Variants in JUP observed in about 807,000 individuals in gnomAD.
JUP encodes the protein junction plakoglobin.
JUP carries 28 observed loss-of-function variants against 71.1 expected under a neutral mutation model. The ratio of observed to expected loss-of-function variants is 0.39; its 90% CI spans 0.29 to 0.54. The LOEUF (loss-of-function observed/expected upper bound fraction) is 0.54. Among genes scored for constraint, JUP ranks in the 20% least tolerant of loss-of-function variants. JUP has a pLI of 0.62. For synonymous variants in JUP, 401 were observed against 438.9 expected (o/e 0.91, Z 1.08); for missense variants, 869 against 1,030.1 (o/e 0.84, Z 2.14).
intron 1 of JUP, among the ~76,000 whole-genome samples, chr17:41,774,396 T>G (rs375086362): frequency 6.6e-6 from 1 of 152,144 alleles, no homozygotes; most frequent in Non-Finnish European, 1.5e-5. Flanking sequence ...TGCAGTGGCA[T>G]GATCTTGGCT....
At chr17:41,756,137 G>C (rs1555597676) in intron 13 of JUP, 38 bp downstream of exon 13, 1 of 1,604,614 alleles carries the variant, frequency 6.2e-7, no homozygotes, top group Non-Finnish European at 8.5e-7. Context: ...CAGCCGCCCA[G>C]GATCTCCAGG....
chr17:41,782,914 T>A (rs543743510), intron 1 of JUP, among the ~76,000 whole-genome samples: 2 of 152,010 alleles, frequency 1.3e-5, no homozygotes, highest in African/African-American at 4.8e-5. Flanking sequence ...CTGACCAACA[T>A]GGTGAAACCC....
chr17:41,781,963 C>A (rs2047189315), intron 1 of JUP, among the ~76,000 whole-genome samples: 1 of 152,166 alleles, frequency 6.6e-6, no homozygotes, highest in Non-Finnish European at 1.5e-5. Flanking sequence ...GGATGGGGTT[C>A]ATTCTGTTTT....
chr17:41,769,408 C>T lies in JUP; in HGVS notation c.468+10G>A. 6.2e-7 allele frequency: 1 copy of T among 1,608,396 alleles called. No individual in the cohort carries two copies. The highest frequency in any genetic ancestry group is 8.5e-7 in the Non-Finnish European group (1 of 1,178,088). ...GCCCAGCCCCCACCCTAGCAGGGACCCTCACAGACCGGGTCCTCGTCGTTG... is the reference window on the plus strand; with the variant it reads ...GCCCAGCCCCCACCCTAGCAGGGACTCTCACAGACCGGGTCCTCGTCGTTG... On this transcript the variant is annotated intron_variant, in intron 3 of 13. Coordinates refer to ENST00000393931, the MANE Select transcript of JUP (RefSeq NM_002230.4).
intron 10 of JUP, 46 bp from the exon 11 acceptor site, chr17:41,757,830 G>T: frequency 1.3e-6 from 2 of 1,542,448 alleles, no homozygotes; most frequent in Non-Finnish European, 1.8e-6. Context: ...GGAAAGGGGT[G>T]AGGCAGGCCG....
At chr17:41,773,530 C>G (rs985263606) in intron 1 of JUP, among the ~76,000 whole-genome samples, 1 of 152,174 alleles carries the variant, frequency 6.6e-6, no homozygotes, top group Admixed American at 6.5e-5. Context: ...AGGCTCGGGC[C>G]GCCAGATGTG....
chr17:41,771,326 C>T (rs1916616736), intron 2 of JUP: 1 of 411,904 alleles, frequency 2.4e-6, no homozygotes, highest in Non-Finnish European at 4.5e-6. Context: ...GCCACCGTAC[C>T]CAATGTCTTC....
chr17:41,755,796 T>A lies in JUP; in HGVS notation c.2186A>T (p.Tyr729Phe). The change falls in exon 14 of 14, where the codon TAC becomes TTC. Residue 729 changes from tyrosine to phenylalanine, a missense_variant. By Grantham distance (22) the Tyr-to-Phe change is conservative. Coordinates refer to ENST00000393931, the MANE Select transcript of JUP (RefSeq NM_002230.4). ...GTACGGGGGCCTGAGGCCGTCGCTG[T>A]AGGTGTCGATGGGGTAGTCTCCATC... ...DMDGDYPIDT[Y>F]SDGLRPPYPT... is the part of the protein sequence containing the mutation. 5.6e-6 allele frequency: 9 copies of A among 1,612,836 alleles called. No homozygotes were observed. Among genetic ancestry groups the A allele is most frequent in the Non-Finnish European group, 7.6e-6 (9 of 1,179,384 alleles).
intron 2 of JUP, among the ~76,000 whole-genome samples, chr17:41,769,995 C>A (rs1258203733): frequency 6.6e-6 from 1 of 151,946 alleles, no homozygotes; most frequent in African/African-American, 2.4e-5. Context: ...GACAACGACC[C>A]TGCAAGGTAA....
intron 10 of JUP, 135 bp downstream of exon 10, chr17:41,758,264 G>A (rs2143443426): frequency 1.8e-6 from 2 of 1,116,478 alleles, no homozygotes; most frequent in Admixed American, 1.9e-5. Flanking sequence ...TAGTCAATCT[G>A]GAGTGGCAAC....
intron 1 of JUP, 130 bp from the exon 2 acceptor site, chr17:41,771,992 G>C (rs1916733024): frequency 1.2e-6 from 1 of 867,638 alleles, no homozygotes; most frequent in South Asian, 1.4e-5. Flanking sequence ...TGAGGATGCA[G>C]GCTGGGGATG....
intron 5 of JUP, among the ~76,000 whole-genome samples, chr17:41,766,804 G>T (rs1009579783): frequency 3.3e-5 from 5 of 150,666 alleles, no homozygotes; most frequent in African/African-American, 1.2e-4. Flanking sequence ...GCAGTGAGCC[G>T]AGATCGTGCC....
rs535041251 is a variant in JUP, at chr17:41,756,664, C to T, written c.2047-450G>A. Among the ~76,000 whole-genome samples, 20 of 151,850 alleles carry T rather than the reference C, an allele frequency of 1.3e-4. No homozygotes were observed. In the South Asian group the frequency reaches 4.2e-3, roughly 32 times the overall value. ...CTGTAATCCCAGCACTTTGGGAGGC[C>T]AAGGCGGGCGGATCACAAGGTCAGG... On this transcript the variant is annotated intron_variant, in intron 12 of 13. Coordinates refer to ENST00000393931, the MANE Select transcript of JUP (RefSeq NM_002230.4).
chr17:41,766,768 T>C (rs552921856), intron 5 of JUP, among the ~76,000 whole-genome samples: 26 of 150,634 alleles, frequency 1.7e-4, no homozygotes, highest in African/African-American at 6.4e-4. Context: ...AGCAGGAGAA[T>C]CGCTTGAACC....
intron 5 of JUP, among the ~76,000 whole-genome samples, chr17:41,766,026 A>T (rs1915657612): frequency 6.6e-6 from 1 of 152,170 alleles, no homozygotes. Flanking sequence ...AGGCTGAAGC[A>T]GGAGGATTCC....
chr17:41,758,313 T>C (rs1392062577), intron 10 of JUP, 86 bp downstream of exon 10: 20 of 1,578,086 alleles, frequency 1.3e-5, no homozygotes, highest in African/African-American at 2.7e-5. Context: ...TGATACCTGG[T>C]CCAGGCCTCC....
intron 4 of JUP, 97 bp downstream of exon 4, chr17:41,768,872 A>G: frequency 1.0e-6 from 1 of 973,572 alleles, no homozygotes; most frequent in South Asian, 1.4e-5. Context: ...GGCACATAGT[A>G]GGTGCTCACT....
At chr17:41,773,249 C>T (rs1382470578) in intron 1 of JUP, among the ~76,000 whole-genome samples, 1 of 152,206 alleles carries the variant, frequency 6.6e-6, no homozygotes, top group African/African-American at 2.4e-5. Flanking sequence ...CAACCTGGCC[C>T]CACCCCAGGA....
chr17:41,779,015 T>A (rs2047027704), intron 1 of JUP, among the ~76,000 whole-genome samples: 1 of 151,856 alleles, frequency 6.6e-6, no homozygotes, highest in African/African-American at 2.4e-5. Flanking sequence ...GGCGGGTGGA[T>A]CACAAGGTCT....
Sources: allele counts gnomAD v4.1 joint callset (sites outside exome capture counted in the v4.1 genomes callset), GRCh38; gene constraint gnomAD v4.1.1; transcripts MANE v1.5; gene names NCBI Gene and HGNC (gene_info 2026-07-23, HGNC 2026-07-21).